Variants in LARS2 observed in about 807,000 individuals in gnomAD.
The protein encoded by LARS2 is leucyl-tRNA synthetase 2, mitochondrial.
Under a neutral mutation model 116.6 loss-of-function variants are expected in LARS2, and 81 were observed. The observed-to-expected ratio is 0.69, with a 90% CI of 0.58 to 0.84. LARS2 has a LOEUF of 0.84. Among genes scored for constraint, LARS2 ranks in the 40% least tolerant of loss-of-function variants. The pLI is 0.00. For missense variants in LARS2, 968 were observed against 1,114.5 expected (o/e 0.87, Z 1.87); for synonymous variants, 396 against 407.2 (o/e 0.97, Z 0.33).
intron 12 of LARS2, among the ~76,000 whole-genome samples, chr3:45,489,778 T>C (rs1267302895): frequency 1.3e-5 from 2 of 152,224 alleles, no homozygotes; most frequent in Non-Finnish European, 2.9e-5. Flanking sequence ...TCACTCCAGA[T>C]ACTCCGATTT....
At chr3:45,458,508 T>C (rs1699252558) in intron 7 of LARS2, among the ~76,000 whole-genome samples, 1 of 151,920 alleles carries the variant, frequency 6.6e-6, no homozygotes, top group Non-Finnish European at 1.5e-5. Flanking sequence ...CTGGCCAACA[T>C]AGTGAAACCC....
intron 7 of LARS2, among the ~76,000 whole-genome samples, chr3:45,449,215 C>T (rs918168317): frequency 3.5e-5 from 5 of 140,862 alleles, no homozygotes; most frequent in African/African-American, 8.0e-5. Flanking sequence ...CAGGTTGGAG[C>T]GCAATGGTGT....
At chr3:45,522,178 G>C (rs77888327) in intron 19 of LARS2, among the ~76,000 whole-genome samples, 2,048 of 152,336 alleles carry the variant, frequency 0.013, 30 homozygotes, top group African/African-American at 0.047. Context: ...TTACACGCCA[G>C]TGATAGGTGT....
chr3:45,463,786 C>T lies in LARS2; in HGVS notation c.750+4900C>T, dbSNP rs1214301515. ...TTTTAAGGAGCTTAGACTTTAGTGC[C>T]ACAGACAGTGGTAGACATGAGCTGT... On this transcript the variant is annotated intron_variant, in intron 8 of 21. Coordinates refer to ENST00000645846, the MANE Select transcript of LARS2 (RefSeq NM_015340.4). Among the ~76,000 whole-genome samples the T allele has an allele frequency of 2.6e-5, 4 of 152,064 alleles. No individual in the cohort carries two copies. In the East Asian group the frequency reaches 5.8e-4, roughly 22 times the overall value.
At chr3:45,538,817 C>T (rs931118963) in intron 20 of LARS2, among the ~76,000 whole-genome samples, 10 of 152,176 alleles carry the variant, frequency 6.6e-5, no homozygotes, top group East Asian at 1.9e-4. Context: ...CAAGTCAGAG[C>T]GGTCGGTGGA....
At chr3:45,540,332 C>T (rs890207965) in intron 20 of LARS2, among the ~76,000 whole-genome samples, 3 of 152,156 alleles carry the variant, frequency 2.0e-5, no homozygotes, top group Non-Finnish European at 4.4e-5. Context: ...TCCAAATTTT[C>T]TGCAAGGAGT....
intron 20 of LARS2, among the ~76,000 whole-genome samples, chr3:45,526,999 G>A (rs1236715433): frequency 6.6e-6 from 1 of 152,182 alleles, no homozygotes; most frequent in East Asian, 1.9e-4. Flanking sequence ...ACCTCATCCA[G>A]GTAGAGACAC....
intron 7 of LARS2, among the ~76,000 whole-genome samples, chr3:45,453,561 G>C (rs1431676679): frequency 2.6e-5 from 4 of 152,186 alleles, no homozygotes; most frequent in Non-Finnish European, 5.9e-5. Context: ...CTACACACTG[G>C]CACCTCTTCC....
chr3:45,481,266 T>C (rs1450055895), intron 10 of LARS2, among the ~76,000 whole-genome samples: 1 of 152,268 alleles, frequency 6.6e-6, no homozygotes, highest in African/African-American at 2.4e-5. Flanking sequence ...ATTTTATTAA[T>C]TGATGGACAT....
At chr3:45,540,703 T>C (rs1045901660) in intron 20 of LARS2, among the ~76,000 whole-genome samples, 10 of 152,176 alleles carry the variant, frequency 6.6e-5, no homozygotes, top group Non-Finnish European at 1.0e-4. Flanking sequence ...TGGGGGCATC[T>C]CTTATACTCA....
At chr3:45,537,069 T>C (rs1176939905) in intron 20 of LARS2, among the ~76,000 whole-genome samples, 2 of 152,090 alleles carry the variant, frequency 1.3e-5, no homozygotes, top group Non-Finnish European at 2.9e-5. Context: ...TGTCTTTGTG[T>C]GCCTCTTTGA....
intron 4 of LARS2, among the ~76,000 whole-genome samples, chr3:45,412,523 C>A (rs1698347387): frequency 6.6e-6 from 1 of 152,168 alleles, no homozygotes; most frequent in African/African-American, 2.4e-5. Flanking sequence ...TTGTATTATG[C>A]CATTTCATTT....
intron 6 of LARS2, among the ~76,000 whole-genome samples, chr3:45,439,510 C>T (rs1698869547): frequency 6.6e-6 from 1 of 152,036 alleles, no homozygotes; most frequent in African/African-American, 2.4e-5. Flanking sequence ...TGAGCCAGCG[C>T]GCCCAGCCAA....
rs544303490 is a variant in LARS2 at position 45,504,438 on chromosome 3, C to T, written c.1760+3859C>T. On this transcript the variant is annotated intron_variant, in intron 15 of 21. Transcript: ENST00000645846. ...GCATGCATGGATTAAAAGAAGTCTA[C>T]TGTACAGAAAATTAATTTAGGGTCT... is the stretch of plus-strand genomic sequence containing the variant. Among the ~76,000 whole-genome samples the T allele has an allele frequency of 1.4e-4, 21 of 152,104 alleles. 1 individual carries two copies. The highest frequency in any genetic ancestry group is 5.2e-4 in the Admixed American group (8 of 15,258).
chr3:45,423,731 AT>A (rs768095512), intron 6 of LARS2, among the ~76,000 whole-genome samples: 1 of 152,200 alleles, frequency 6.6e-6, no homozygotes, highest in African/African-American at 2.4e-5. Context: ...ACAACCGTTC[AT>A]TTAAAATTTT....
chr3:45,527,517 G>A (rs763201426), intron 20 of LARS2, among the ~76,000 whole-genome samples: 13 of 151,938 alleles, frequency 8.6e-5, no homozygotes, highest in East Asian at 3.9e-4. Flanking sequence ...CCAGCTACTC[G>A]AGAGGCTGAG....
chr3:45,401,053 C>T (rs764847522), intron 4 of LARS2, among the ~76,000 whole-genome samples: 9 of 152,132 alleles, frequency 5.9e-5, no homozygotes, highest in Non-Finnish European at 1.0e-4. Flanking sequence ...CCTCGTGATC[C>T]GCCCACCTTG....
At chr3:45,466,968 C>G (rs748470259) in intron 8 of LARS2, among the ~76,000 whole-genome samples, 31 of 152,282 alleles carry the variant, frequency 2.0e-4, no homozygotes, top group Middle Eastern at 3.4e-3. Flanking sequence ...CTGAGTATTT[C>G]TGAGAATCAT....
chr3:45,517,244 T>C (rs1217717739), intron 17 of LARS2, among the ~76,000 whole-genome samples: 1 of 152,222 alleles, frequency 6.6e-6, no homozygotes, highest in Non-Finnish European at 1.5e-5. Context: ...AAGGTTCTGC[T>C]GTGCATTCAG....
Sources: gnomAD v4.1 joint callset for allele counts (sites outside exome capture counted in the v4.1 genomes callset) on GRCh38, gnomAD v4.1.1 for gene constraint, MANE v1.5 for transcripts, NCBI Gene and HGNC (gene_info 2026-07-23, HGNC 2026-07-21) for gene names.